The following SPATA16 variants were observed in gnomAD, a reference collection of about 807,000 sequenced individuals.
SPATA16 encodes the protein spermatogenesis-associated protein 16.
Under a neutral mutation model 63.3 loss-of-function variants are expected in SPATA16, and 36 were observed. The ratio of observed to expected loss-of-function variants is 0.57; its 90% CI spans 0.44 to 0.75. The LOEUF is 0.75. Among genes scored for constraint, SPATA16 ranks in the 30% least tolerant of loss-of-function variants. The pLI is 0.00. For missense variants in SPATA16, 646 were observed against 679.3 expected, an observed-to-expected ratio of 0.95 and a Z score of 0.54; for synonymous variants, 203 against 216.7, an observed-to-expected ratio of 0.94 and a Z score of 0.56.
At chr3:173,008,990 T>G (rs1259105777) in intron 4 of SPATA16, among the ~76,000 whole-genome samples, 1 of 152,228 alleles carries the variant, frequency 6.6e-6, no homozygotes, top group Non-Finnish European at 1.5e-5. Flanking sequence ...TAGCAAACTT[T>G]AAAATTCATG....
At chr3:173,129,385 C>T (rs1738310601) in intron 1 of SPATA16, among the ~76,000 whole-genome samples, 1 of 152,048 alleles carries the variant, frequency 6.6e-6, no homozygotes, top group South Asian at 2.1e-4. Context: ...GGTTTCCTTA[C>T]CCAAAAAACA....
At chr3:173,130,750 AAAGAT>A (rs1366094148) in intron 1 of SPATA16, among the ~76,000 whole-genome samples, 1 of 152,234 alleles carries the variant, frequency 6.6e-6, no homozygotes, top group Admixed American at 6.5e-5. Context: ...ACATTATACT[AAAGAT>A]AATATAATTA....
intron 10 of SPATA16, among the ~76,000 whole-genome samples, chr3:172,894,292 A>G (rs1308908207): frequency 6.6e-6 from 1 of 152,150 alleles, no homozygotes; most frequent in Non-Finnish European, 1.5e-5. Flanking sequence ...AAATAAACTT[A>G]AGTTTCTGAA....
intron 8 of SPATA16, 72 bp from the exon 9 acceptor site, chr3:172,916,553 A>G: frequency 6.7e-7 from 1 of 1,495,796 alleles, no homozygotes; most frequent in Non-Finnish European, 9.3e-7. Flanking sequence ...GCTGGAAGTC[A>G]GGGCTTGTGA....
At chr3:172,938,489 G>T (rs1276706583) in intron 6 of SPATA16, among the ~76,000 whole-genome samples, 1 of 152,132 alleles carries the variant, frequency 6.6e-6, no homozygotes, top group Non-Finnish European at 1.5e-5. Flanking sequence ...AGGTTGGGTG[G>T]ACCAAAGGGA....
intron 10 of SPATA16, among the ~76,000 whole-genome samples, chr3:172,901,584 C>T (rs956579083): frequency 1.3e-5 from 2 of 152,132 alleles, no homozygotes; most frequent in Non-Finnish European, 2.9e-5. Context: ...GAGATCTTTC[C>T]GGTTTTTGGT....
rs186561319 is a variant in SPATA16 at position 172,939,557 on chromosome 3, C to T, written c.1082-14065G>A. Among the ~76,000 whole-genome samples the T allele has an allele frequency of 3.0e-4, 46 of 152,272 alleles. 1 individual carries two copies. The highest frequency in any genetic ancestry group is 2.4e-4 in the African/African-American group (10 of 41,546). On this transcript the variant is annotated intron_variant, in intron 6 of 10. Transcript: ENST00000351008. Reference sequence around the variant, plus strand: ...GAAAAGGTTATGGAATTTTTTGACACGGAAGCATCATGCACTATGGTAGCA... The same window carrying T: ...GAAAAGGTTATGGAATTTTTTGACATGGAAGCATCATGCACTATGGTAGCA...
chr3:173,034,559 G>A (rs1306260586), intron 3 of SPATA16, among the ~76,000 whole-genome samples: 1 of 152,076 alleles, frequency 6.6e-6, no homozygotes, highest in East Asian at 1.9e-4. Context: ...TACCAAAAGA[G>A]AAATATTGAT....
intron 1 of SPATA16, among the ~76,000 whole-genome samples, chr3:173,138,493 A>G (rs1379023042): frequency 1.3e-5 from 2 of 152,226 alleles, no homozygotes; most frequent in Admixed American, 6.5e-5. Context: ...AATCTTCCTT[A>G]ACTTTGATTC....
chr3:172,953,416 T>A (rs1432458053), intron 6 of SPATA16, among the ~76,000 whole-genome samples: 3 of 152,116 alleles, frequency 2.0e-5, no homozygotes, highest in Admixed American at 1.3e-4. Flanking sequence ...TGGAGGGGAT[T>A]TATTGAGTAA....
chr3:173,000,514 T>C (rs1734792831), intron 4 of SPATA16, among the ~76,000 whole-genome samples: 1 of 152,156 alleles, frequency 6.6e-6, no homozygotes, highest in Non-Finnish European at 1.5e-5. Flanking sequence ...TATGTTTAGG[T>C]GTAGTTTTTG....
At chr3:173,037,072 G>A (rs1466552618) in intron 3 of SPATA16, among the ~76,000 whole-genome samples, 1 of 151,832 alleles carries the variant, frequency 6.6e-6, no homozygotes, top group African/African-American at 2.4e-5. Context: ...TTAAAAATAT[G>A]GTAAAATCCT....
rs144595913 is a variant in SPATA16, at chr3:173,117,326, G to A, written c.406C>T (p.Arg136Cys). ...ATGAAGGACTCTACAAACTCATAGC[G>A]AACACCCATTTCATCAATGTAGACC... ...KLVYIDEMGVRYEFVESFMST... is the reference protein window; with the variant it reads ...KLVYIDEMGVCYEFVESFMST... The change falls in exon 2 of 11, where the codon CGC becomes TGC. Residue 136 changes from arginine to cysteine, a missense_variant. Arg to Cys is a radical substitution (Grantham distance 180, BLOSUM62 -3). Coordinates refer to ENST00000351008, the MANE Select transcript of SPATA16 (RefSeq NM_031955.6). 2.7e-5 allele frequency: 43 copies of A among 1,614,092 alleles called. No individual in the cohort carries two copies. The highest frequency in any genetic ancestry group is 5.3e-5 in the African/African-American group (4 of 75,032).
At chr3:172,933,982 C>A (rs1732925417) in intron 6 of SPATA16, among the ~76,000 whole-genome samples, 1 of 152,018 alleles carries the variant, frequency 6.6e-6, no homozygotes, top group Admixed American at 6.6e-5. Context: ...ACAGCTAGCA[C>A]AAAGGTAGCA....
chr3:172,894,739 C>A (rs2861040), intron 10 of SPATA16, among the ~76,000 whole-genome samples: 71,258 of 151,952 alleles, frequency 0.47, 19,280 homozygotes, highest in South Asian at 0.66. Flanking sequence ...AAGAATGGAA[C>A]TCTCGTGAAT....
chr3:172,928,319 T>C (rs1577092873), intron 6 of SPATA16, among the ~76,000 whole-genome samples: 1 of 152,238 alleles, frequency 6.6e-6, no homozygotes, highest in South Asian at 2.1e-4. Flanking sequence ...GTTTCAAAAG[T>C]GCAGGAAGTT....
intron 5 of SPATA16, among the ~76,000 whole-genome samples, chr3:172,957,267 G>T (rs867889733): frequency 6.6e-6 from 1 of 151,798 alleles, no homozygotes; most frequent in African/African-American, 2.4e-5. Flanking sequence ...CTAGACAGAC[G>T]GTATTTTTTG....
intron 6 of SPATA16, among the ~76,000 whole-genome samples, chr3:172,931,216 T>C (rs1205520628): frequency 6.6e-6 from 1 of 152,212 alleles, no homozygotes; most frequent in Non-Finnish European, 1.5e-5. Context: ...TTAATCCTCT[T>C]CAAGATCCCA....
At chr3:173,033,778 C>G (rs553126723) in intron 3 of SPATA16, among the ~76,000 whole-genome samples, 1 of 152,174 alleles carries the variant, frequency 6.6e-6, no homozygotes, top group Non-Finnish European at 1.5e-5. Context: ...TATCTTGGCT[C>G]TCTGCAACTT....
Sources: allele counts gnomAD v4.1 joint callset (sites outside exome capture counted in the v4.1 genomes callset), GRCh38; gene constraint gnomAD v4.1.1; transcripts MANE v1.5; gene names NCBI Gene and HGNC (gene_info 2026-07-23, HGNC 2026-07-21).